RBFOX1: variants seen among roughly 807,000 people sequenced by gnomAD.
RBFOX1 encodes RNA binding protein fox-1 homolog 1.
RBFOX1 carries 8 observed loss-of-function variants against 57.7 expected under a neutral mutation model. That is an observed-to-expected ratio of 0.14 (90% CI 0.08 to 0.25). The LOEUF (loss-of-function observed/expected upper bound fraction) is 0.25. Ranked by LOEUF, RBFOX1 falls within the 10% of genes least tolerant of loss-of-function variation. RBFOX1 has a pLI of 1.00. For synonymous variants in RBFOX1, 326 were observed against 222.4 expected (o/e 1.47, Z -4.15); for missense variants, 611 against 548.5 (o/e 1.11, Z -1.14).
At chr16:5,713,001 A>C (rs1254604229) in intron 3 of RBFOX1, among the ~76,000 whole-genome samples, 1 of 152,136 alleles carries the variant, frequency 6.6e-6, no homozygotes, top group Non-Finnish European at 1.5e-5. Flanking sequence ...CTGGTGGTTA[A>C]TTTGAGAATA....
chr16:7,181,254 A>G (rs561376586), intron 4 of RBFOX1, among the ~76,000 whole-genome samples: 22 of 152,302 alleles, frequency 1.4e-4, no homozygotes, highest in South Asian at 8.3e-4. Flanking sequence ...GAGCATGGTC[A>G]TGAGAACTGA....
chr16:5,782,650 G>A (rs2151708100), intron 3 of RBFOX1, among the ~76,000 whole-genome samples: 1 of 152,310 alleles, frequency 6.6e-6, no homozygotes, highest in Middle Eastern at 3.4e-3. Flanking sequence ...CTGAATGTGT[G>A]AGAGTGTGGG....
intron 3 of RBFOX1, among the ~76,000 whole-genome samples, chr16:6,803,136 A>ATT (rs113567456): frequency 6.6e-6 from 1 of 150,482 alleles, no homozygotes; most frequent in African/African-American, 2.4e-5. Context: ...CCATGCCTTG[A>ATT]TTTTTTTTTT....
intron 4 of RBFOX1, among the ~76,000 whole-genome samples, chr16:7,261,618 C>T (rs913837878): frequency 6.6e-6 from 1 of 152,172 alleles, no homozygotes; most frequent in East Asian, 1.9e-4. Context: ...GAATGAGGCT[C>T]AGGAACTCAG....
intron 3 of RBFOX1, among the ~76,000 whole-genome samples, chr16:6,792,624 A>G (rs1244477903): frequency 2.0e-5 from 3 of 152,328 alleles, no homozygotes; most frequent in East Asian, 3.9e-4. Flanking sequence ...GCCTTCATGT[A>G]ACATTGCTGT....
chr16:6,233,534 G>A (rs1443105005), intron 1 of RBFOX1, among the ~76,000 whole-genome samples: 1 of 152,082 alleles, frequency 6.6e-6, no homozygotes, highest in Non-Finnish European at 1.5e-5. Context: ...TCGTGTGGGT[G>A]GAGGCAAGGT....
chr16:6,223,832 T>C (rs1399267577), intron 1 of RBFOX1, among the ~76,000 whole-genome samples: 8 of 152,180 alleles, frequency 5.3e-5, no homozygotes, highest in Admixed American at 5.2e-4. Context: ...TTTATGGTCT[T>C]AGGTCTAACA....
At position 6,283,834 on chromosome 16, in the gene RBFOX1, AT is replaced by A. The variant is rs543991194; in HGVS notation, c.-126-33159del. Among the ~76,000 whole-genome samples, 100 of 152,316 alleles carry A rather than the reference AT, an allele frequency of 6.6e-4. 1 individual carries two copies. Among genetic ancestry groups the A allele is most frequent in the African/African-American group, 2.4e-3 (99 of 41,568 alleles). ...CAGTGAGTGGCAGAGATATGGCCAA[AT>A]TACCTGCAATGGCACTTTTAATTTA... On this transcript the variant is annotated intron_variant, in intron 1 of 15. Transcript: ENST00000550418.
intron 5 of RBFOX1, chr16:7,519,654 G>C: frequency 1.0e-6 from 1 of 982,828 alleles, no homozygotes; most frequent in Non-Finnish European, 1.2e-6. Flanking sequence ...ACCTTTTTCT[G>C]CAGAATTCTT....
intron 4 of RBFOX1, among the ~76,000 whole-genome samples, chr16:7,484,711 G>C (rs370896331): frequency 1.3e-5 from 2 of 152,168 alleles, no homozygotes; most frequent in South Asian, 4.1e-4. Context: ...TGATCCGCTC[G>C]CTTCAGCCTC....
chr16:6,528,469 A>G (rs1203017896), intron 2 of RBFOX1, among the ~76,000 whole-genome samples: 1 of 152,180 alleles, frequency 6.6e-6, no homozygotes, highest in Non-Finnish European at 1.5e-5. Flanking sequence ...CATGCACCCT[A>G]CAGCATCATC....
At chr16:5,573,420 C>T (rs149378357) in intron 2 of RBFOX1, among the ~76,000 whole-genome samples, 106 of 152,324 alleles carry the variant, frequency 7.0e-4, no homozygotes, top group African/African-American at 2.5e-3. Flanking sequence ...AATGCAGATT[C>T]CTGGACCCCC....
At chr16:7,510,267 A>G (rs2074667878) in intron 4 of RBFOX1, 2 of 985,906 alleles carry the variant, frequency 2.0e-6, no homozygotes, top group Non-Finnish European at 2.4e-6. Flanking sequence ...GGACAAGAAC[A>G]GCTGCTAAGT....
chr16:6,482,184 A>G (rs984914708), intron 2 of RBFOX1, among the ~76,000 whole-genome samples: 1 of 152,212 alleles, frequency 6.6e-6, no homozygotes, highest in Non-Finnish European at 1.5e-5. Flanking sequence ...GCCAATGAAT[A>G]TTTCACTCAT....
chr16:7,327,103 G>GTGA (rs2096621573), intron 4 of RBFOX1, among the ~76,000 whole-genome samples: 1 of 152,188 alleles, frequency 6.6e-6, no homozygotes, highest in Non-Finnish European at 1.5e-5. Context: ...TCGGACAAAG[G>GTGA]TGATGGTGCA....
At chr16:6,370,221 G>T (rs1264173267) in intron 2 of RBFOX1, among the ~76,000 whole-genome samples, 1 of 151,788 alleles carries the variant, frequency 6.6e-6, no homozygotes, top group African/African-American at 2.4e-5. Flanking sequence ...AGCTGGGCGG[G>T]GTGGCGGGCG....
At chr16:6,411,062 C>G (rs756229278) in intron 2 of RBFOX1, among the ~76,000 whole-genome samples, 2 of 152,154 alleles carry the variant, frequency 1.3e-5, no homozygotes, top group South Asian at 2.1e-4. Flanking sequence ...ACAGGAGAAG[C>G]TAGTATTATT....
At chr16:5,881,844 T>C (rs553484827) in intron 4 of RBFOX1, among the ~76,000 whole-genome samples, 1 of 152,336 alleles carries the variant, frequency 6.6e-6, no homozygotes, top group African/African-American at 2.4e-5. Context: ...GGTTAACATT[T>C]ATAAATACTT....
chr16:7,317,414 G>A (rs1183185223), intron 4 of RBFOX1, among the ~76,000 whole-genome samples: 1 of 152,052 alleles, frequency 6.6e-6, no homozygotes, highest in Non-Finnish European at 1.5e-5. Flanking sequence ...TTTTTCATCT[G>A]AACTCTACCA....
Sources: allele counts gnomAD v4.1 joint callset (sites outside exome capture counted in the v4.1 genomes callset), GRCh38; gene constraint gnomAD v4.1.1; transcripts MANE v1.5; gene names NCBI Gene and HGNC (gene_info 2026-07-23, HGNC 2026-07-21).